The following ROBO1 variants were observed in gnomAD, a reference collection of about 807,000 sequenced individuals.
ROBO1 encodes roundabout homolog 1.
ROBO1 carries 149 observed loss-of-function variants against 195.9 expected under a neutral mutation model. The observed-to-expected ratio is 0.76, with a 90% CI of 0.67 to 0.87. The LOEUF (loss-of-function observed/expected upper bound fraction) is 0.87. Among genes scored for constraint, ROBO1 ranks in the 40% least tolerant of loss-of-function variants. The probability of loss-of-function intolerance (pLI) is 0.00; values close to 1 mark genes in which losing one functional copy is unlikely to be tolerated. For synonymous variants in ROBO1, 816 were observed against 733.2 expected, an observed-to-expected ratio of 1.11 and a Z score of -1.82; for missense variants, 1,933 against 2,068.3, an observed-to-expected ratio of 0.93 and a Z score of 1.27.
intron 4 of ROBO1, among the ~76,000 whole-genome samples, chr3:78,872,729 G>T (rs114409368): frequency 6.6e-6 from 1 of 152,122 alleles, no homozygotes; most frequent in African/African-American, 2.4e-5. Flanking sequence ...TAACACTCAC[G>T]TTATCAGTAA....
At chr3:78,745,234 G>A (rs1379911885) in intron 5 of ROBO1, among the ~76,000 whole-genome samples, 1 of 151,332 alleles carries the variant, frequency 6.6e-6, no homozygotes, top group Non-Finnish European at 1.5e-5. Flanking sequence ...CTTGAACCCA[G>A]GAGGCAGAGG....
At chr3:78,772,537 T>A (rs1276803421) in intron 4 of ROBO1, among the ~76,000 whole-genome samples, 3 of 152,140 alleles carry the variant, frequency 2.0e-5, no homozygotes, top group African/African-American at 7.2e-5. Flanking sequence ...GTTTTCTCCT[T>A]TGAAATAATT....
rs1259088082 is a variant in ROBO1, at chr3:78,597,285, C to CTGAT, written c.*1624_*1627dup. 4 of 152,492 alleles carry CTGAT rather than the reference C, an allele frequency of 2.6e-5. No homozygotes were observed. Among genetic ancestry groups the CTGAT allele is most frequent in the East Asian group, 3.9e-4 (2 of 5,194 alleles). 9.4% of individuals were successfully genotyped at this position (152,492 alleles called of 1,614,324 possible). A position where few individuals can be genotyped will look rare whatever the true frequency, so the allele number is the denominator to read the frequency against. ...TAAATAATGTGACAAAATTACTTTT[C>CTGAT]TGATTATTGGATTTTCAGTATGCAA... On this transcript the variant is annotated 3_prime_UTR_variant, in exon 31 of 31. Coordinates refer to ENST00000464233, the MANE Select transcript of ROBO1 (RefSeq NM_002941.4).
chr3:79,202,014 CT>C (rs2081774653), intron 2 of ROBO1, among the ~76,000 whole-genome samples: 3 of 151,670 alleles, frequency 2.0e-5, no homozygotes, highest in Non-Finnish European at 4.4e-5. Context: ...CCTGATAACT[CT>C]TATTTGCCCT....
At chr3:79,520,200 C>A (rs925207685) in intron 2 of ROBO1, among the ~76,000 whole-genome samples, 9 of 151,542 alleles carry the variant, frequency 5.9e-5, no homozygotes, top group East Asian at 1.9e-4. Context: ...TTGTGTACCC[C>A]CAGGATGCAT....
chr3:78,809,648 T>C (rs1267213174), intron 4 of ROBO1, among the ~76,000 whole-genome samples: 1 of 100,880 alleles, frequency 9.9e-6, no homozygotes. Flanking sequence ...CACCATGGAA[T>C]ACTATGCAGC....
chr3:78,726,139 T>C (rs1179529386), intron 5 of ROBO1, among the ~76,000 whole-genome samples: 3 of 152,232 alleles, frequency 2.0e-5, no homozygotes. Context: ...GATTTCAAAT[T>C]GCTAACCACC....
At chr3:78,909,137 ATG>A (rs2038095248) in intron 4 of ROBO1, among the ~76,000 whole-genome samples, 1 of 151,828 alleles carries the variant, frequency 6.6e-6, no homozygotes, top group Admixed American at 6.6e-5. Context: ...TGCGGAAATA[ATG>A]TTTAGCATGA....
At chr3:79,432,921 G>C (rs1485377789) in intron 2 of ROBO1, among the ~76,000 whole-genome samples, 3 of 152,126 alleles carry the variant, frequency 2.0e-5, no homozygotes, top group Non-Finnish European at 2.9e-5. Flanking sequence ...TTAGTCCAAA[G>C]TTGTTTCCTA....
At chr3:79,380,224 T>C (rs999831583) in intron 2 of ROBO1, among the ~76,000 whole-genome samples, 1 of 152,324 alleles carries the variant, frequency 6.6e-6, no homozygotes, top group Admixed American at 6.5e-5. Flanking sequence ...TACTCTTTAC[T>C]CTTTTCCTTC....
At chr3:78,813,693 TC>T (rs1473832648) in intron 4 of ROBO1, among the ~76,000 whole-genome samples, 1 of 152,108 alleles carries the variant, frequency 6.6e-6, no homozygotes, top group Non-Finnish European at 1.5e-5. Flanking sequence ...GCATTCTGAC[TC>T]TAGAGTCAAT....
rs1262664171 is a variant in ROBO1, at chr3:78,614,779, G to A, written c.4304C>T (p.Ser1435Phe). 5 of 1,609,080 alleles carry A rather than the reference G, an allele frequency of 3.1e-6. No individual in the cohort carries two copies. The highest frequency in any genetic ancestry group is 3.4e-6 in the Non-Finnish European group (4 of 1,178,516). Residue 1435 changes from serine to phenylalanine, a missense_variant, in exon 28 of 31, where the codon TCT (serine) becomes TTT (phenylalanine). Around this residue, in one of 3 missense-constraint regions of ROBO1, gnomAD observed 1,737 missense variants for 1,882.5 expected, o/e 0.92. Coordinates refer to ENST00000464233, the MANE Select transcript of ROBO1 (RefSeq NM_002941.4). ...DAAGRRHFHA[S>F]QCPRPTSPVS... Reference sequence around the variant, plus strand: ...GGGACTTGTGGGCCTAGGGCACTGAGACGCATGAAAATGTCGACGGCCTAA... The same window carrying A: ...GGGACTTGTGGGCCTAGGGCACTGAAACGCATGAAAATGTCGACGGCCTAA...
chr3:79,546,297 A>G (rs186894047), intron 2 of ROBO1, among the ~76,000 whole-genome samples: 2 of 152,266 alleles, frequency 1.3e-5, no homozygotes, highest in Admixed American at 6.5e-5. Flanking sequence ...CTTCCAGTCA[A>G]CAGTAGACTA....
chr3:79,267,509 G>A (rs985391711), intron 2 of ROBO1, among the ~76,000 whole-genome samples: 1 of 151,144 alleles, frequency 6.6e-6, no homozygotes, highest in African/African-American at 2.4e-5. Flanking sequence ...GGAAGAGTGA[G>A]AGGATAGTGG....
rs4563377 is a variant in ROBO1 at position 79,293,931 on chromosome 3, G to A, written c.89-168392C>T. Among the ~76,000 whole-genome samples, 418 of 150,260 alleles carry A rather than the reference G, an allele frequency of 2.8e-3. 1 individual carries two copies. The highest frequency in any genetic ancestry group is 5.5e-3 in the African/African-American group (224 of 40,996). The stretch of plus-strand genomic sequence containing the variant: ...AAATTAGCCGGGCGTGGTAGCGGGC[G>A]CCTGTAGTCCCAGCTACTCGGGAGG... On this transcript the variant is annotated intron_variant, in intron 2 of 30. Coordinates refer to ENST00000464233, the MANE Select transcript of ROBO1 (RefSeq NM_002941.4).
At chr3:79,547,378 A>T (rs932931107) in intron 2 of ROBO1, among the ~76,000 whole-genome samples, 3 of 152,008 alleles carry the variant, frequency 2.0e-5, no homozygotes, top group Admixed American at 2.0e-4. Context: ...GAACGTGAGG[A>T]GGAAAATGAG....
chr3:79,102,775 A>G (rs1175728732), intron 3 of ROBO1, among the ~76,000 whole-genome samples: 1 of 151,848 alleles, frequency 6.6e-6, no homozygotes, highest in Non-Finnish European at 1.5e-5. Flanking sequence ...GAAGCACATA[A>G]AAGTTATTGG....
intron 2 of ROBO1, among the ~76,000 whole-genome samples, chr3:79,542,903 T>C (rs887500874): frequency 3.3e-5 from 5 of 152,092 alleles, no homozygotes; most frequent in African/African-American, 1.2e-4. Flanking sequence ...TAGCAATTCA[T>C]TTTAATTAAC....
At chr3:79,580,874 C>A (rs1943639030) in intron 2 of ROBO1, among the ~76,000 whole-genome samples, 1 of 152,090 alleles carries the variant, frequency 6.6e-6, no homozygotes, top group Admixed American at 6.6e-5. Flanking sequence ...ATATACATTT[C>A]TCATTTTAAT....
Sources: gnomAD v4.1 joint callset for allele counts (sites outside exome capture counted in the v4.1 genomes callset) on GRCh38, gnomAD v4.1.1 for gene constraint, gnomAD v4.1.1 regional missense constraint, MANE v1.5 for transcripts, NCBI Gene and HGNC (gene_info 2026-07-23, HGNC 2026-07-21) for gene names.